The following CTNNA2 variants were observed in gnomAD, a reference collection of about 807,000 sequenced individuals.
CTNNA2 encodes catenin alpha-2.
A neutral mutation model predicts 101.0 loss-of-function variants in CTNNA2; 42 were observed. The ratio of observed to expected loss-of-function variants is 0.42; its 90% CI spans 0.32 to 0.54. CTNNA2 has a LOEUF of 0.54. CTNNA2 is among the 20% of genes least tolerant of loss of function. CTNNA2 has a pLI of 0.14. For synonymous variants in CTNNA2, 450 were observed against 456.4 expected (o/e 0.99, Z 0.18); for missense variants, 871 against 1,223.1 (o/e 0.71, Z 4.29).
intron 7 of CTNNA2, among the ~76,000 whole-genome samples, chr2:80,273,828 C>A (rs1277299118): frequency 6.6e-6 from 1 of 152,060 alleles, no homozygotes; most frequent in East Asian, 1.9e-4. Flanking sequence ...CTTTCTTATG[C>A]TACCTTTTTT....
chr2:80,012,413 A>G (rs1020928036), intron 7 of CTNNA2, among the ~76,000 whole-genome samples: 4 of 152,164 alleles, frequency 2.6e-5, no homozygotes, highest in African/African-American at 9.7e-5. Flanking sequence ...CTCTTGAGAA[A>G]AAGGGGGCTA....
chr2:80,155,641 G>A (rs1257474326), intron 7 of CTNNA2, among the ~76,000 whole-genome samples: 1 of 152,148 alleles, frequency 6.6e-6, no homozygotes, highest in African/African-American at 2.4e-5. Context: ...GGAGAGCTGA[G>A]GCAGATTGGC....
chr2:79,270,297 A>C (rs1324321632), intron 2 of CTNNA2, among the ~76,000 whole-genome samples: 1 of 152,124 alleles, frequency 6.6e-6, no homozygotes. Flanking sequence ...GGAACCATGC[A>C]CTATACTCTG....
At chr2:80,161,156 C>T (rs1573259740) in intron 7 of CTNNA2, among the ~76,000 whole-genome samples, 1 of 152,168 alleles carries the variant, frequency 6.6e-6, no homozygotes, top group Non-Finnish European at 1.5e-5. Flanking sequence ...GCTAGAATTA[C>T]AGGCGCATGC....
At chr2:79,830,556 G>T (rs1402560150) in intron 3 of CTNNA2, among the ~76,000 whole-genome samples, 2 of 152,164 alleles carry the variant, frequency 1.3e-5, no homozygotes, top group African/African-American at 4.8e-5. Flanking sequence ...TATGATCCTG[G>T]CACTCGTCAT....
intron 2 of CTNNA2, among the ~76,000 whole-genome samples, chr2:79,237,236 C>A (rs1674568660): frequency 6.6e-6 from 1 of 152,170 alleles, no homozygotes. Context: ...TGGGTGAGTT[C>A]TTGGGCAACC....
At chr2:79,570,470 C>G (rs546891733) in intron 1 of CTNNA2, among the ~76,000 whole-genome samples, 28 of 152,102 alleles carry the variant, frequency 1.8e-4, no homozygotes, top group Admixed American at 5.2e-4. Context: ...TTGTTGTCAT[C>G]CAATTTAGAT....
intron 4 of CTNNA2, among the ~76,000 whole-genome samples, chr2:79,387,128 T>C (rs1235409836): frequency 2.0e-4 from 31 of 152,168 alleles, no homozygotes; most frequent in Admixed American, 2.0e-3. Flanking sequence ...CTGTCTAATT[T>C]CCCTGGAAAT....
chr2:80,047,568 G>A (rs1218535624), intron 7 of CTNNA2, among the ~76,000 whole-genome samples: 2 of 152,152 alleles, frequency 1.3e-5, no homozygotes, highest in Admixed American at 1.3e-4. Context: ...ATATTCTCCA[G>A]TGTATGCAGG....
At chr2:79,944,817 A>G (rs188326549) in intron 7 of CTNNA2, among the ~76,000 whole-genome samples, 4 of 152,326 alleles carry the variant, frequency 2.6e-5, no homozygotes, top group African/African-American at 7.2e-5. Flanking sequence ...AGTGTCCTCC[A>G]TACACAATGA....
upstream of CTNNA2, among the ~76,000 whole-genome samples, chr2:79,508,742 A>AT (rs1250912196): frequency 1.3e-5 from 2 of 151,874 alleles, no homozygotes; most frequent in Non-Finnish European, 2.9e-5. Context: ...ATGAAGATAG[A>AT]TAAAAATTGC....
At chr2:79,331,194 G>C (rs1676863306) in intron 3 of CTNNA2, among the ~76,000 whole-genome samples, 1 of 152,092 alleles carries the variant, frequency 6.6e-6, no homozygotes, top group African/African-American at 2.4e-5. Flanking sequence ...ATCTCAAATG[G>C]CTCAGCTACC....
intron 7 of CTNNA2, among the ~76,000 whole-genome samples, chr2:80,135,519 C>T (rs908793013): frequency 1.3e-5 from 2 of 152,200 alleles, no homozygotes; most frequent in East Asian, 1.9e-4. Flanking sequence ...AGATGTCCCA[C>T]GTCTCTTTTC....
intron 7 of CTNNA2, among the ~76,000 whole-genome samples, chr2:80,046,645 C>T (rs12465439): frequency 0.27 from 41,789 of 152,086 alleles, 6,438 homozygotes; most frequent in African/African-American, 0.41. Context: ...GAACCACTCA[C>T]CTCCAGGCGA....
intron 4 of CTNNA2, among the ~76,000 whole-genome samples, chr2:79,488,318 CAAAAAA>C (rs61641596): frequency 3.0e-5 from 3 of 99,920 alleles, no homozygotes; most frequent in African/African-American, 6.3e-5. Context: ...AACTCCATCT[CAAAAAA>C]AAAAAAAAAA....
At chr2:80,048,053 A>G (rs1376714352) in intron 7 of CTNNA2, among the ~76,000 whole-genome samples, 1 of 152,138 alleles carries the variant, frequency 6.6e-6, no homozygotes, top group African/African-American at 2.4e-5. Context: ...GGAGGCCGCT[A>G]TGGGTCACTT....
chr2:80,186,593 C>T (rs2148990236), intron 7 of CTNNA2, among the ~76,000 whole-genome samples: 1 of 152,276 alleles, frequency 6.6e-6, no homozygotes, highest in South Asian at 2.1e-4. Flanking sequence ...GTATTTTAGC[C>T]TGATAATTAT....
intron 18 of CTNNA2, among the ~76,000 whole-genome samples, chr2:80,623,191 A>G (rs1310301020): frequency 1.3e-5 from 2 of 151,852 alleles, no homozygotes; most frequent in African/African-American, 2.4e-5. Context: ...AGTCAGAGCT[A>G]TAATTCAACA....
chr2:80,597,472 A>T (rs1697083456), intron 15 of CTNNA2, among the ~76,000 whole-genome samples: 1 of 152,210 alleles, frequency 6.6e-6, no homozygotes, highest in South Asian at 2.1e-4. Context: ...AAATTGACAA[A>T]TGGGATCGAA....
Sources: gnomAD v4.1 joint callset for allele counts (sites outside exome capture counted in the v4.1 genomes callset) on GRCh38, gnomAD v4.1.1 for gene constraint, MANE v1.5 for transcripts, NCBI Gene and HGNC (gene_info 2026-07-23, HGNC 2026-07-21) for gene names.